DLGAP2: variants seen among roughly 807,000 people sequenced by gnomAD.
DLGAP2 encodes the protein disks large-associated protein 2.
DLGAP2 carries 26 observed loss-of-function variants against 100.3 expected under a neutral mutation model. The observed-to-expected ratio is 0.26, with a 90% CI of 0.19 to 0.36. DLGAP2 has a LOEUF of 0.36. Ranked by LOEUF, DLGAP2 falls within the 10% of genes least tolerant of loss-of-function variation. The pLI is 1.00. For synonymous variants in DLGAP2, 886 were observed against 630.1 expected, an observed-to-expected ratio of 1.41 and a Z score of -6.08; for missense variants, 1,858 against 1,453.2, an observed-to-expected ratio of 1.28 and a Z score of -4.53.
Position 1,701,494 on chromosome 8 carries a change from C to A in DLGAP2, c.*88C>A, listed in dbSNP as rs542565313. ...GCCGCCCTGGTGGTTTCTGTCTCCT[C>A]CTCCCGCTGAACACGTCCTCGCTCC... On this transcript the variant is annotated 3_prime_UTR_variant, in exon 15 of 15. Coordinates refer to ENST00000637795, the MANE Select transcript of DLGAP2 (RefSeq NM_001346810.2). The A allele has an allele frequency of 7.4e-7, 1 of 1,351,006 alleles. No homozygotes were observed. Among genetic ancestry groups the A allele is most frequent in the South Asian group, 1.4e-5 (1 of 72,168 alleles). The allele number at this position is 1,351,006 out of a possible 1,614,324, so 83.7% of individuals were successfully genotyped here.
intron 1 of DLGAP2, among the ~76,000 whole-genome samples, chr8:847,950 T>C (rs771884926): frequency 6.6e-6 from 1 of 152,242 alleles, no homozygotes; most frequent in African/African-American, 2.4e-5. Context: ...TTGTTTATAC[T>C]TTGATTTAGA....
intron 5 of DLGAP2, among the ~76,000 whole-genome samples, chr8:1,549,905 G>T (rs1801702377): frequency 6.6e-6 from 1 of 152,174 alleles, no homozygotes; most frequent in Non-Finnish European, 1.5e-5. Context: ...ATCCACTCTG[G>T]ATGATTTCCA....
At chr8:1,616,749 C>T (rs1192424521) in intron 6 of DLGAP2, among the ~76,000 whole-genome samples, 1 of 152,124 alleles carries the variant, frequency 6.6e-6, no homozygotes, top group East Asian at 1.9e-4. Flanking sequence ...TTTTATCTTT[C>T]ATTTAGTTTC....
intron 2 of DLGAP2, among the ~76,000 whole-genome samples, chr8:1,108,955 G>C (rs1408616204): frequency 7.1e-6 from 1 of 140,384 alleles, no homozygotes; most frequent in Non-Finnish European, 1.5e-5. Flanking sequence ...TGACGTGCTG[G>C]GTCTGTGAGG....
intron 6 of DLGAP2, among the ~76,000 whole-genome samples, chr8:1,600,056 A>C (rs1207389781): frequency 6.6e-6 from 1 of 152,098 alleles, no homozygotes; most frequent in Admixed American, 6.6e-5. Flanking sequence ...AGCTCTTGTA[A>C]GGCAGGCCTG....
chr8:1,443,147 C>G (rs1015537227), intron 3 of DLGAP2, among the ~76,000 whole-genome samples: 1 of 152,120 alleles, frequency 6.6e-6, no homozygotes, highest in Non-Finnish European at 1.5e-5. Context: ...TTATGAAAGT[C>G]ATAATCATTA....
intron 2 of DLGAP2, among the ~76,000 whole-genome samples, chr8:1,225,112 C>T (rs1798388214): frequency 6.6e-6 from 1 of 152,276 alleles, no homozygotes; most frequent in South Asian, 2.1e-4. Flanking sequence ...GAAATAGGTG[C>T]CCAAACCAGT....
At chr8:1,068,655 G>C (rs1803330572) in intron 2 of DLGAP2, among the ~76,000 whole-genome samples, 2 of 152,148 alleles carry the variant, frequency 1.3e-5, no homozygotes, top group Non-Finnish European at 2.9e-5. Context: ...CAAGGACGGA[G>C]GGAGGGAAGT....
At chr8:1,027,921 C>T in intron 2 of DLGAP2, among the ~76,000 whole-genome samples, 1 of 125,552 alleles carries the variant, frequency 8.0e-6, no homozygotes, top group Non-Finnish European at 1.7e-5. Context: ...AGGTGGGGTG[C>T]TCGGTGCCTG....
At chr8:1,373,402 GT>G (rs1470535679) in intron 3 of DLGAP2, among the ~76,000 whole-genome samples, 1 of 152,116 alleles carries the variant, frequency 6.6e-6, no homozygotes, top group African/African-American at 2.4e-5. Context: ...TGCCGCTTGC[GT>G]CCCCGGGCTT....
intron 2 of DLGAP2, among the ~76,000 whole-genome samples, chr8:1,255,415 C>T (rs1563043916): frequency 7.4e-6 from 1 of 134,596 alleles, no homozygotes; most frequent in East Asian, 2.6e-4. Flanking sequence ...TGCCTGGGTG[C>T]TGTGTGTGTG....
intron 4 of DLGAP2, among the ~76,000 whole-genome samples, chr8:1,544,396 C>T (rs1056423049): frequency 2.0e-5 from 3 of 152,176 alleles, no homozygotes; most frequent in Non-Finnish European, 4.4e-5. Flanking sequence ...TTGTCTTGTT[C>T]TCTTCTCACA....
intron 12 of DLGAP2, among the ~76,000 whole-genome samples, chr8:1,685,005 C>T (rs1276167556): frequency 6.6e-6 from 1 of 152,132 alleles, no homozygotes; most frequent in African/African-American, 2.4e-5. Context: ...AACACTAATG[C>T]TGGGAGGAAC....
chr8:818,281 GA>G (rs1357498350), intron 1 of DLGAP2, among the ~76,000 whole-genome samples: 1 of 152,122 alleles, frequency 6.6e-6, no homozygotes, highest in Non-Finnish European at 1.5e-5. Context: ...GGAAGTGGGG[GA>G]AAGCTGTCAG....
intron 3 of DLGAP2, among the ~76,000 whole-genome samples, chr8:1,331,507 A>G (rs1037124657): frequency 3.3e-5 from 5 of 152,150 alleles, no homozygotes; most frequent in African/African-American, 1.2e-4. Context: ...CTGATTTTTT[A>G]GGGACACGGA....
intron 5 of DLGAP2, among the ~76,000 whole-genome samples, chr8:1,553,565 C>T (rs1801854871): frequency 6.6e-6 from 1 of 152,120 alleles, no homozygotes. Flanking sequence ...AAGCAAATGG[C>T]AGAAAAGAAC....
chr8:1,579,176 T>G (rs948050352), intron 6 of DLGAP2, among the ~76,000 whole-genome samples: 1 of 152,224 alleles, frequency 6.6e-6, no homozygotes, highest in Non-Finnish European at 1.5e-5. Flanking sequence ...TAATTTTGAA[T>G]GTCTCTGGGT....
At chr8:1,248,015 G>A (rs1264323015) in intron 2 of DLGAP2, among the ~76,000 whole-genome samples, 2 of 4,432 alleles carry the variant, frequency 4.5e-4, no homozygotes, top group Non-Finnish European at 5.3e-4. Flanking sequence ...GTGGGAGTCT[G>A]ATGGCCCACG....
intron 1 of DLGAP2, among the ~76,000 whole-genome samples, chr8:890,864 C>T (rs1798020795): frequency 6.6e-6 from 1 of 152,140 alleles, no homozygotes; most frequent in Non-Finnish European, 1.5e-5. Flanking sequence ...GCATGACAAC[C>T]CTGTTGCATG....
Sources: allele counts gnomAD v4.1 joint callset (sites outside exome capture counted in the v4.1 genomes callset), GRCh38; gene constraint gnomAD v4.1.1; transcripts MANE v1.5; gene names NCBI Gene and HGNC (gene_info 2026-07-23, HGNC 2026-07-21).